DMGDH: variants seen among roughly 807,000 people sequenced by gnomAD.
The protein encoded by DMGDH is dimethylglycine dehydrogenase, mitochondrial.
In DMGDH, 76 loss-of-function variants were observed where a neutral mutation model predicts 95.2. The ratio of observed to expected loss-of-function variants is 0.80; its 90% CI spans 0.66 to 0.97. The LOEUF is 0.97. Ranked by LOEUF, DMGDH falls within the 50% of genes least tolerant of loss-of-function variation. The pLI, the probability that DMGDH is intolerant of heterozygous loss-of-function variation, is 0.00. For synonymous variants in DMGDH, 345 were observed against 377.6 expected, an observed-to-expected ratio of 0.91 and a Z score of 1.00; for missense variants, 987 against 1,055.0, an observed-to-expected ratio of 0.94 and a Z score of 0.89.
At chr5:78,999,362 T>C (rs1265955768) in intron 15 of DMGDH, among the ~76,000 whole-genome samples, 1 of 152,122 alleles carries the variant, frequency 6.6e-6, no homozygotes, top group African/African-American at 2.4e-5. Context: ...ACAGAGTCTC[T>C]CTGTGTCACC....
intron 14 of DMGDH, among the ~76,000 whole-genome samples, chr5:79,006,475 G>A (rs907643560): frequency 1.3e-5 from 2 of 152,144 alleles, no homozygotes; most frequent in African/African-American, 4.8e-5. Context: ...TCCGTGGGAG[G>A]TTAGTATGAG....
At chr5:79,003,275 A>G (rs778710310) in intron 15 of DMGDH, among the ~76,000 whole-genome samples, 15 of 152,206 alleles carry the variant, frequency 9.9e-5, no homozygotes, top group Admixed American at 3.3e-4. Context: ...ATCTCATCCA[A>G]TGGCTTCATT....
chr5:79,026,412 A>T lies in DMGDH; in HGVS notation c.2190+12T>A. On this transcript the variant is annotated intron_variant, in intron 13 of 15. Transcript: ENST00000255189. ...AACATAAAATGTTAATAAAGATGCT[A>T]GCATTTCAAACCTCTAACCCCCAGG... 4 of 1,614,136 alleles carry T rather than the reference A, an allele frequency of 2.5e-6. No homozygotes were observed. The highest frequency in any genetic ancestry group is 3.4e-6 in the Non-Finnish European group (4 of 1,179,978).
Position 79,051,367 on chromosome 5 carries a change from A to C in DMGDH, c.665T>G (p.Leu222Arg), listed in dbSNP as rs1645230128. 1.2e-6 allele frequency: 2 copies of C among 1,614,166 alleles called. No homozygotes were observed. Among genetic ancestry groups the C allele is most frequent in the African/African-American group, 2.7e-5 (2 of 75,042 alleles). ...LLKYPAPVTS[L>R]KARSDGTWDV... ...CCATGTTCCATCTGACCTGGCTTTC[A>C]GAGAAGTTACTGGTGCAGGATATTT... The change falls in exon 5 of 16, where the codon CTG (leucine) becomes CGG (arginine). Residue 222 changes from leucine (L) to arginine (R), a missense_variant. Physicochemically the swap from Leu to Arg is moderately radical, Grantham distance 102. Transcript: ENST00000255189.
In DMGDH at chr5:79,033,423, G is replaced by A; in HGVS notation, c.1194-15C>T. ...TTATGCCATATCTTTCAAATACAGG[G>A]ATAGAAAACCCATTACTAACACATG... On this transcript the variant is annotated splice_polypyrimidine_tract_variant and intron_variant, in intron 7 of 15. Coordinates refer to ENST00000255189, the MANE Select transcript of DMGDH (RefSeq NM_013391.3). The A allele has an allele frequency of 6.2e-7, 1 of 1,613,766 alleles. No individual in the cohort carries two copies. Among genetic ancestry groups the A allele is most frequent in the Admixed American group, 1.7e-5 (1 of 60,016 alleles).
chr5:79,032,896 T>C, intron 8 of DMGDH, 56 bp from the exon 9 acceptor site: 3 of 1,597,252 alleles, frequency 1.9e-6, no homozygotes, highest in South Asian at 1.1e-5. Flanking sequence ...ACAAGATACT[T>C]ACATGGGATT....
intron 7 of DMGDH, among the ~76,000 whole-genome samples, chr5:79,038,903 G>T (rs1754423239): frequency 6.6e-6 from 1 of 152,012 alleles, no homozygotes; most frequent in Admixed American, 6.6e-5. Flanking sequence ...CGAAGGATGT[G>T]AACAGACACT....
intron 12 of DMGDH, among the ~76,000 whole-genome samples, chr5:79,027,118 G>A (rs1230571776): frequency 1.3e-5 from 2 of 152,088 alleles, no homozygotes; most frequent in East Asian, 3.9e-4. Context: ...CAGAGCTGTG[G>A]GCAAAAATCA....
chr5:79,031,902 T>C (rs1368081824), intron 9 of DMGDH, among the ~76,000 whole-genome samples: 2 of 152,226 alleles, frequency 1.3e-5, no homozygotes, highest in African/African-American at 4.8e-5. Context: ...ATAATCTAGA[T>C]TGGCTGCTTA....
At chr5:79,034,313 T>C (rs1436295239) in intron 7 of DMGDH, among the ~76,000 whole-genome samples, 2 of 151,764 alleles carry the variant, frequency 1.3e-5, no homozygotes, top group African/African-American at 2.4e-5. Flanking sequence ...ACACTGTCTC[T>C]TGTATTTTGC....
chr5:79,006,298 G>A (rs1055478338), intron 14 of DMGDH, among the ~76,000 whole-genome samples: 3 of 151,796 alleles, frequency 2.0e-5, no homozygotes, highest in African/African-American at 7.3e-5. Context: ...CCTTACCTGT[G>A]AGTAGGACAC....
At chr5:79,042,537 A>G in intron 6 of DMGDH, 56 bp from the exon 7 acceptor site, 1 of 1,553,456 alleles carries the variant, frequency 6.4e-7, no homozygotes, top group Non-Finnish European at 8.9e-7. Context: ...CAAGTCCTGT[A>G]AAGTGATTTA....
At chr5:79,049,525 T>G (rs1031243012) in intron 5 of DMGDH, among the ~76,000 whole-genome samples, 4 of 152,212 alleles carry the variant, frequency 2.6e-5, no homozygotes, top group Non-Finnish European at 5.9e-5. Flanking sequence ...AGTATGTTAC[T>G]TTAGTATTTG....
intron 6 of DMGDH, among the ~76,000 whole-genome samples, chr5:79,043,915 G>C (rs367988679): frequency 6.6e-6 from 1 of 152,182 alleles, no homozygotes; most frequent in Non-Finnish European, 1.5e-5. Context: ...TCTGGCCTCT[G>C]ATATCAGTTG....
Position 79,049,030 on chromosome 5 carries a change from A to G in DMGDH, c.745+2257T>C, listed in dbSNP as rs78841119. 4.3e-3 allele frequency among the ~76,000 whole-genome samples: 650 copies of G among 152,272 alleles called. 6 individuals carry two copies. Among genetic ancestry groups the G allele is most frequent in the African/African-American group, 0.015 (626 of 41,540 alleles). On this transcript the variant is annotated intron_variant, in intron 5 of 15. Transcript: ENST00000255189. The stretch of plus-strand genomic sequence containing the variant: ...ACAAGAACAAGGGAAAAAGGGAGGC[A>G]TTACCACTCCATGCAGGGCCACACT...
At chr5:79,035,751 A>G (rs1754331558) in intron 7 of DMGDH, among the ~76,000 whole-genome samples, 1 of 151,014 alleles carries the variant, frequency 6.6e-6, no homozygotes, top group Non-Finnish European at 1.5e-5. Flanking sequence ...CGGGGGGGGA[A>G]TCCTGAATCA....
At chr5:79,051,987 C>T (rs1561227039) in intron 4 of DMGDH, among the ~76,000 whole-genome samples, 1 of 152,190 alleles carries the variant, frequency 6.6e-6, no homozygotes, top group Non-Finnish European at 1.5e-5. Flanking sequence ...TGGGTCTCAT[C>T]TATTCAACAA....
chr5:79,056,339 C>T (rs1189304629), intron 2 of DMGDH, among the ~76,000 whole-genome samples: 1 of 151,786 alleles, frequency 6.6e-6, no homozygotes, highest in Non-Finnish European at 1.5e-5. Flanking sequence ...GGTGAAACCC[C>T]GTCTCTATTA....
Position 79,038,377 on chromosome 5 carries a change from G to A in DMGDH, c.1193+3906C>T, listed in dbSNP as rs146986657. Among the ~76,000 whole-genome samples the A allele has an allele frequency of 6.2e-3, 943 of 152,192 alleles. 8 individuals are homozygous for A. The highest frequency in any genetic ancestry group is 0.021 in the African/African-American group (867 of 41,504). On this transcript the variant is annotated intron_variant, in intron 7 of 15. Transcript: ENST00000255189. ...AGCGTGCTTGTAATCCCAGCTATTT[G>A]GGAGGCTGAAGCAAGAGAATTGCTT...
Sources: allele counts gnomAD v4.1 joint callset (sites outside exome capture counted in the v4.1 genomes callset), GRCh38; gene constraint gnomAD v4.1.1; transcripts MANE v1.5; gene names NCBI Gene and HGNC (gene_info 2026-07-23, HGNC 2026-07-21).